TIMP2: variants seen among roughly 807,000 people sequenced by gnomAD.
TIMP2 encodes the protein metalloproteinase inhibitor 2.
TIMP2 carries 5 observed loss-of-function variants against 24.3 expected under a neutral mutation model. The ratio of observed to expected loss-of-function variants is 0.21; its 90% CI spans 0.11 to 0.43. The LOEUF is 0.43. Ranked by LOEUF, TIMP2 falls within the 20% of genes least tolerant of loss-of-function variation. The pLI is 1.00. For missense variants in TIMP2, 221 were observed against 297.5 expected (o/e 0.74, Z 1.89); for synonymous variants, 130 against 123.2 (o/e 1.06, Z -0.37).
chr17:78,891,749 C>T lies in TIMP2; in HGVS notation c.131-17830G>A. 4 of 1,551,226 alleles carry T rather than the reference C, an allele frequency of 2.6e-6. No individual in the cohort carries two copies. Among genetic ancestry groups the T allele is most frequent in the Non-Finnish European group, 3.5e-6 (4 of 1,147,140 alleles). ...CACAGCAGCCACGAGTGGGTTTGAC[C>T]TTTCTAGGTCCGCCCCTTTGCTCCT... On this transcript the variant is annotated intron_variant, in intron 1 of 4. Transcript: ENST00000262768. The surrounding 1 kb of genome is among the most constrained non-coding windows in gnomAD (Gnocchi z 4.5).
At chr17:78,872,606 T>C (rs937190113) in intron 2 of TIMP2, among the ~76,000 whole-genome samples, 1 of 152,322 alleles carries the variant, frequency 6.6e-6, no homozygotes, top group Middle Eastern at 3.4e-3. Context: ...ATGTTGATGC[T>C]GTACTAAATG....
Position 78,901,635 on chromosome 17 carries a change from G to A in TIMP2, c.130+23324C>T, listed in dbSNP as rs1355016980. 7 of 692,504 alleles carry A rather than the reference G, an allele frequency of 1.0e-5. No homozygotes were observed. The Admixed American group carries it at 1.0e-4, about 10-fold the overall frequency. The allele number at this position is 692,504 out of a possible 1,614,324, so 42.9% of individuals were successfully genotyped here. A position where few individuals can be genotyped will look rare whatever the true frequency, so the allele number is the denominator to read the frequency against. On this transcript the variant is annotated intron_variant, in intron 1 of 4. Coordinates refer to ENST00000262768, the MANE Select transcript of TIMP2 (RefSeq NM_003255.5). The stretch of plus-strand genomic sequence containing the variant: ...AGAGTATGGTGCTTAAGAGTACTAT[G>A]TGACCTAGGCCAAGCGACTTCACTC...
Position 78,891,103 on chromosome 17 carries a change from G to C in TIMP2, c.131-17184C>G. On this transcript the variant is annotated intron_variant, in intron 1 of 4. Transcript: ENST00000262768. This position sits in a 1 kb window ranked among gnomAD's most constrained non-coding sequence, Gnocchi z 4.5. ...TGGGGGTCTCTTGTCCAGATTCAGT[G>C]CTATACAATAATGAGTCCTCTTTGT... 1 of 1,550,828 alleles carries C rather than the reference G, an allele frequency of 6.4e-7. No homozygotes were observed. The highest frequency in any genetic ancestry group is 1.7e-4 in the Middle Eastern group (1 of 5,992).
chr17:78,901,162 G>C (rs1378627452), intron 1 of TIMP2: 1 of 152,978 alleles, frequency 6.5e-6, no homozygotes, highest in Non-Finnish European at 1.5e-5. Flanking sequence ...CGAGAGCTCG[G>C]CAGAGACACC....
chr17:78,885,863 C>T (rs2069821149), intron 1 of TIMP2, among the ~76,000 whole-genome samples: 1 of 152,150 alleles, frequency 6.6e-6, no homozygotes, highest in South Asian at 2.1e-4. Context: ...ACGGGGTGAG[C>T]CAGGGGAAGC....
intron 3 of TIMP2, among the ~76,000 whole-genome samples, chr17:78,868,311 C>CGTG (rs1358275663): frequency 6.6e-6 from 1 of 151,960 alleles, no homozygotes; most frequent in African/African-American, 2.4e-5. Context: ...AGTACAGTGG[C>CGTG]GTGATCTCAG....
chr17:78,858,666 G>A (rs1416042704), intron 3 of TIMP2, among the ~76,000 whole-genome samples: 1 of 152,066 alleles, frequency 6.6e-6, no homozygotes, highest in Non-Finnish European at 1.5e-5. Context: ...GACTATAGGT[G>A]TGAACCACTA....
At chr17:78,866,281 C>T (rs1049885784) in intron 3 of TIMP2, among the ~76,000 whole-genome samples, 2 of 152,162 alleles carry the variant, frequency 1.3e-5, no homozygotes, top group Admixed American at 6.5e-5. Context: ...GCGTGCTGTG[C>T]GGCCACCCCA....
At chr17:78,861,028 T>G (rs1401522490) in intron 3 of TIMP2, among the ~76,000 whole-genome samples, 1 of 67,500 alleles carries the variant, frequency 1.5e-5, no homozygotes, top group Non-Finnish European at 2.8e-5. Context: ...AGAGCAAGAC[T>G]CCGTCTCAAA....
chr17:78,903,924 T>C (rs1382918971), intron 1 of TIMP2, among the ~76,000 whole-genome samples: 2 of 151,926 alleles, frequency 1.3e-5, no homozygotes, highest in Non-Finnish European at 2.9e-5. Flanking sequence ...TGTCAAGATA[T>C]GTTTTTTGTT....
intron 1 of TIMP2, among the ~76,000 whole-genome samples, chr17:78,910,216 G>A (rs993277604): frequency 4.0e-5 from 6 of 148,206 alleles, no homozygotes; most frequent in African/African-American, 1.3e-4. Flanking sequence ...TTTGAGACAC[G>A]GAGTCTCGCT....
rs2069899107 is a variant in TIMP2 at position 78,891,744 on chromosome 17, T to C, written c.131-17825A>G. 4.5e-6 allele frequency: 7 copies of C among 1,551,164 alleles called. No individual in the cohort carries two copies. The highest frequency in any genetic ancestry group is 6.1e-6 in the Non-Finnish European group (7 of 1,147,162). ...TCTCCCACAGCAGCCACGAGTGGGT[T>C]TGACCTTTCTAGGTCCGCCCCTTTG... On this transcript the variant is annotated intron_variant, in intron 1 of 4. Coordinates refer to ENST00000262768, the MANE Select transcript of TIMP2 (RefSeq NM_003255.5). The surrounding 1 kb of genome is among the most constrained non-coding windows in gnomAD (Gnocchi z 4.5).
At chr17:78,919,090 G>C (rs761017727) in intron 1 of TIMP2, among the ~76,000 whole-genome samples, 3 of 152,216 alleles carry the variant, frequency 2.0e-5, no homozygotes, top group Non-Finnish European at 4.4e-5. Flanking sequence ...GAGACGACTG[G>C]TCTATGCCAA....
intron 1 of TIMP2, among the ~76,000 whole-genome samples, chr17:78,881,589 C>A (rs4789940): frequency 0.79 from 120,180 of 152,308 alleles, 47,784 homozygotes; most frequent in Admixed American, 0.83. Context: ...GTCTTCTGAG[C>A]GTCATTTGGT....
chr17:78,858,465 GA>G (rs1221973800), intron 3 of TIMP2, among the ~76,000 whole-genome samples: 1 of 151,406 alleles, frequency 6.6e-6, no homozygotes, highest in Non-Finnish European at 1.5e-5. Flanking sequence ...AAAAAGAAAA[GA>G]AAAAAATTCC....
intron 1 of TIMP2, among the ~76,000 whole-genome samples, chr17:78,916,824 C>T (rs990109871): frequency 1.9e-4 from 29 of 152,184 alleles, no homozygotes; most frequent in South Asian, 1.7e-3. Flanking sequence ...ACTCTGTCCC[C>T]CTGTGGTACA....
chr17:78,891,232 T>C lies in TIMP2; in HGVS notation c.131-17313A>G. 6.4e-7 allele frequency: 1 copy of C among 1,550,680 alleles called. No individual in the cohort carries two copies. The highest frequency in any genetic ancestry group is 8.7e-7 in the Non-Finnish European group (1 of 1,147,018). On this transcript the variant is annotated intron_variant, in intron 1 of 4. Coordinates refer to ENST00000262768, the MANE Select transcript of TIMP2 (RefSeq NM_003255.5). This position sits in a 1 kb window ranked among gnomAD's most constrained non-coding sequence, Gnocchi z 4.5. ...GGTTCTGGGCCTTGCCCATGAACGTTTTCAAGTCGGTCTTGGACGCTGCCT... is the reference window on the plus strand; with the variant it reads ...GGTTCTGGGCCTTGCCCATGAACGTCTTCAAGTCGGTCTTGGACGCTGCCT...
At chr17:78,901,634 T>A in intron 1 of TIMP2, 1 of 692,208 alleles carries the variant, frequency 1.4e-6, no homozygotes, top group Non-Finnish European at 2.7e-6. Flanking sequence ...AAGAGTACTA[T>A]GTGACCTAGG....
intron 1 of TIMP2, among the ~76,000 whole-genome samples, chr17:78,916,926 G>GC (rs2070263761): frequency 6.6e-6 from 1 of 152,158 alleles, no homozygotes; most frequent in South Asian, 2.1e-4. Flanking sequence ...ACCCCTCAGG[G>GC]CCCACAATCT....
Sources: allele counts gnomAD v4.1 joint callset (sites outside exome capture counted in the v4.1 genomes callset), GRCh38; gene constraint gnomAD v4.1.1; non-coding constraint Gnocchi (gnomAD v3.1); transcripts MANE v1.5; gene names NCBI Gene and HGNC (gene_info 2026-07-23, HGNC 2026-07-21).